The following UNC80 variants were observed in gnomAD, a reference collection of about 807,000 sequenced individuals.
UNC80 encodes the protein unc-80 subunit of NALCN channel complex, also known as protein unc-80 homolog.
Under a neutral mutation model 384.6 loss-of-function variants are expected in UNC80, and 164 were observed. The observed-to-expected ratio is 0.43, with a 90% CI of 0.38 to 0.49. The LOEUF is 0.49. UNC80 is among the 20% of genes least tolerant of loss of function. The pLI is 0.00. For missense variants in UNC80, 3,330 were observed against 4,143.0 expected (o/e 0.80, Z 5.39); for synonymous variants, 1,486 against 1,527.8 (o/e 0.97, Z 0.64).
intron 14 of UNC80, 85 bp downstream of exon 14, chr2:209,826,138 T>G: frequency 7.4e-7 from 1 of 1,347,082 alleles, no homozygotes; most frequent in Non-Finnish European, 9.9e-7. Flanking sequence ...TGAGGGTCAG[T>G]GTTCCCTGAA....
intron 23 of UNC80, among the ~76,000 whole-genome samples, chr2:209,876,148 C>T (rs1278436958): frequency 2.0e-5 from 3 of 152,108 alleles, no homozygotes; most frequent in African/African-American, 7.2e-5. Flanking sequence ...AGACTGTAAG[C>T]TCGTTGAGAG....
Position 209,995,689 on chromosome 2 carries a change from C to T in UNC80, c.*94C>T. The stretch of plus-strand genomic sequence containing the variant: ...ACTTTTGCTTGAAAAAGATTAATTA[C>T]AAAATAGCACTTTACTTCTAATGGG... On this transcript the variant is annotated 3_prime_UTR_variant, in exon 65 of 65. Transcript: ENST00000673920. 7.2e-7 allele frequency: 1 copy of T among 1,397,972 alleles called. No homozygotes were observed. 86.6% of individuals were successfully genotyped at this position (1,397,972 alleles called of 1,614,324 possible). A position where few individuals can be genotyped will look rare whatever the true frequency, so the allele number is the denominator to read the frequency against.
In UNC80 at chr2:209,998,785, C is replaced by T. The variant is rs538141468; in HGVS notation, c.*3190C>T. 6.6e-6 allele frequency: 1 copy of T among 152,354 alleles called. No homozygotes were observed. Among genetic ancestry groups the T allele is most frequent in the South Asian group, 2.1e-4 (1 of 4,832 alleles). The allele number at this position is 152,354 out of a possible 1,614,324, so 9.4% of individuals were successfully genotyped here. A position where few individuals can be genotyped will look rare whatever the true frequency, so the allele number is the denominator to read the frequency against. On this transcript the variant is annotated 3_prime_UTR_variant, in exon 65 of 65. Transcript: ENST00000673920. Reference sequence around the variant, plus strand: ...AGAACACAGTCTCCAGAATTCGCTGCTATCACACCAAGTCATGCTGTTGCC... The same window carrying T: ...AGAACACAGTCTCCAGAATTCGCTGTTATCACACCAAGTCATGCTGTTGCC...
At chr2:209,834,825 C>G (rs2081232891) in intron 17 of UNC80, 87 bp from the exon 18 acceptor site, 2 of 1,119,202 alleles carry the variant, frequency 1.8e-6, no homozygotes, top group East Asian at 5.7e-5. Context: ...TTGTCTACAA[C>G]AGAGTGTTTT....
At chr2:209,796,725 C>T (rs528661398) in intron 7 of UNC80, among the ~76,000 whole-genome samples, 55 of 152,300 alleles carry the variant, frequency 3.6e-4, no homozygotes, top group Admixed American at 1.1e-3. Flanking sequence ...CTTGCTGCCA[C>T]CATGTAAGAA....
chr2:209,792,613 C>CT lies in UNC80; in HGVS notation c.799-1106dup, dbSNP rs544735418. 2.4e-3 allele frequency among the ~76,000 whole-genome samples: 373 copies of CT among 152,246 alleles called. 2 individuals carry two copies. The highest frequency in any genetic ancestry group is 8.7e-3 in the African/African-American group (361 of 41,548). On this transcript the variant is annotated intron_variant, in intron 6 of 64. Coordinates refer to ENST00000673920, the MANE Select transcript of UNC80 (RefSeq NM_001371986.1). ...CCGCCCACCTCTGCCTCCCAAAGTG[C>CT]TAGGATTACAGGCATGAGCCACCGC...
rs2079655044 is a variant in UNC80 at position 209,815,340 on chromosome 2, A to T, written c.1284A>T (p.Arg428Ser). The T allele has an allele frequency of 2.6e-6, 4 of 1,551,710 alleles. No individual in the cohort carries two copies. The highest frequency in any genetic ancestry group is 3.5e-6 in the Non-Finnish European group (4 of 1,146,992). ...AGGTTTCACTGACCAATCTGCGTAGATCTGCAGTCCCAGATCTTTCTTCAG... is the reference window on the plus strand; with the variant it reads ...AGGTTTCACTGACCAATCTGCGTAGTTCTGCAGTCCCAGATCTTTCTTCAG... Reference protein sequence around the residue: ...FSKVSLTNLRRSAVPDLSSDL... With the variant: ...FSKVSLTNLRSSAVPDLSSDL... Residue 428 changes from arginine to serine, a missense_variant, in exon 9 of 65, where the codon AGA becomes AGT. Physicochemically the swap from Arg to Ser is moderately radical, Grantham distance 110 (BLOSUM62 -1). Around this residue, in one of 8 missense-constraint regions of UNC80, gnomAD observed 937 missense variants for 1,026.8 expected, o/e 0.91. Transcript: ENST00000673920.
chr2:209,853,224 T>A (rs1391075561), intron 22 of UNC80, among the ~76,000 whole-genome samples: 1 of 152,128 alleles, frequency 6.6e-6, no homozygotes, highest in African/African-American at 2.4e-5. Context: ...TTTGTTACAT[T>A]TATTTTTTAA....
chr2:209,990,357 T>C (rs2093369823), intron 61 of UNC80, among the ~76,000 whole-genome samples: 1 of 152,180 alleles, frequency 6.6e-6, no homozygotes, highest in South Asian at 2.1e-4. Flanking sequence ...CATTACAACA[T>C]CAAATGTAAA....
chr2:209,803,271 G>A (rs1484400203), intron 7 of UNC80, among the ~76,000 whole-genome samples: 2 of 152,112 alleles, frequency 1.3e-5, no homozygotes, highest in East Asian at 1.9e-4. Context: ...CTAAAATCTG[G>A]CTACACAGTT....
intron 53 of UNC80, 107 bp from the exon 54 acceptor site, chr2:209,970,725 A>T: frequency 1.5e-6 from 2 of 1,357,406 alleles, no homozygotes; most frequent in African/African-American, 1.5e-5. Context: ...TAACATGTCC[A>T]ACCTTCAATT....
rs1198612147 is a variant in UNC80, at chr2:209,899,524, G to A, written c.4581+3111G>A. ...AAAAAGCACCGGGGCTCTAGTTGAT[G>A]TTTTCTCTTTCCAGAGAGGATTCAC... On this transcript the variant is annotated intron_variant, in intron 28 of 64. Transcript: ENST00000673920. Among the ~76,000 whole-genome samples, 3 of 152,144 alleles carry A rather than the reference G, an allele frequency of 2.0e-5. 1 individual carries two copies. The highest frequency in any genetic ancestry group is 2.9e-5 in the Non-Finnish European group (2 of 68,030).
At chr2:209,786,707 A>G (rs950105701) in intron 5 of UNC80, among the ~76,000 whole-genome samples, 13 of 152,224 alleles carry the variant, frequency 8.5e-5, no homozygotes, top group Non-Finnish European at 1.9e-4. Context: ...TAGATTGAAA[A>G]GTGCATAGCA....
chr2:209,899,464 A>G (rs1276540154), intron 28 of UNC80, among the ~76,000 whole-genome samples: 2 of 152,190 alleles, frequency 1.3e-5, no homozygotes, highest in Admixed American at 6.5e-5. Context: ...TGTGAAGCCA[A>G]AACTGCTCTA....
chr2:209,881,890 G>C (rs1187861203), intron 25 of UNC80, among the ~76,000 whole-genome samples: 1 of 151,564 alleles, frequency 6.6e-6, no homozygotes, highest in African/African-American at 2.4e-5. Context: ...ATCTCCCAGA[G>C]CAATCGTTAC....
At chr2:209,908,272 G>A (rs915288661) in intron 29 of UNC80, among the ~76,000 whole-genome samples, 1 of 152,066 alleles carries the variant, frequency 6.6e-6, no homozygotes. Context: ...CTTTTTAATT[G>A]GTTTTTTATG....
chr2:209,848,186 G>T (rs2082290933), intron 21 of UNC80, among the ~76,000 whole-genome samples: 1 of 152,008 alleles, frequency 6.6e-6, no homozygotes, highest in Admixed American at 6.6e-5. Flanking sequence ...TCCTGGAATT[G>T]TTTGTTCCTC....
At position 209,817,018 on chromosome 2, in the gene UNC80, A is replaced by G; in HGVS notation, c.1445A>G (p.His482Arg). The G allele has an allele frequency of 6.4e-7, 1 of 1,551,754 alleles. No individual in the cohort carries two copies. Among genetic ancestry groups the G allele is most frequent in the Non-Finnish European group, 8.7e-7 (1 of 1,147,002 alleles). The change falls in exon 10 of 65, where the codon CAC becomes CGC. Residue 482 changes from histidine (H) to arginine (R), a missense_variant. Physicochemically the swap from His to Arg is conservative, Grantham distance 29 (BLOSUM62 0). This residue lies in a region of UNC80 where 937 missense variants were observed against 1,026.8 expected (regional missense o/e 0.91). Coordinates refer to ENST00000673920, the MANE Select transcript of UNC80 (RefSeq NM_001371986.1). ...GTGCCCTTCCTGCTTCACGAGGACCACCTGGATGTGTCCCCCACGCGCAGC... is the reference window on the plus strand; with the variant it reads ...GTGCCCTTCCTGCTTCACGAGGACCGCCTGGATGTGTCCCCCACGCGCAGC... ...MGVPFLLHED[H>R]LDVSPTRSTF...
intron 53 of UNC80, among the ~76,000 whole-genome samples, chr2:209,970,556 A>G (rs771350039): frequency 9.9e-5 from 15 of 152,212 alleles, no homozygotes; most frequent in Non-Finnish European, 1.3e-4. Flanking sequence ...TAAGTGTCCA[A>G]TCTCCTGATT....
Sources: allele counts gnomAD v4.1 joint callset (sites outside exome capture counted in the v4.1 genomes callset), GRCh38; gene constraint gnomAD v4.1.1; regional missense constraint gnomAD v4.1.1; transcripts MANE v1.5; gene names NCBI Gene and HGNC (gene_info 2026-07-23, HGNC 2026-07-21).